MAP2K5: variants seen among roughly 807,000 people sequenced by gnomAD.
The protein encoded by MAP2K5 is mitogen-activated protein kinase kinase 5.
In MAP2K5, 49 loss-of-function variants were observed where a neutral mutation model predicts 83.1. That is an observed-to-expected ratio of 0.59 (90% CI 0.47 to 0.75). The LOEUF is 0.75. MAP2K5 is among the 30% of genes least tolerant of loss of function. The pLI, the probability that MAP2K5 is intolerant of heterozygous loss-of-function variation, is 0.00. For missense variants in MAP2K5, 457 were observed against 557.5 expected (o/e 0.82, Z 1.82); for synonymous variants, 202 against 191.8 (o/e 1.05, Z -0.44).
chr15:67,757,792 A>C lies in MAP2K5; in HGVS notation c.1134+9191A>C, dbSNP rs1282312250. ...CATAAATGGGTATTTACGATATGGT[A>C]TTTAATGATGTTTGTAGCCATATAA... On this transcript the variant is annotated intron_variant, in intron 19 of 21. Coordinates refer to ENST00000178640, the MANE Select transcript of MAP2K5 (RefSeq NM_145160.3). This position sits in a 1 kb window ranked among gnomAD's most constrained non-coding sequence, Gnocchi z 4.9. Among the ~76,000 whole-genome samples, 4 of 152,176 alleles carry C rather than the reference A, an allele frequency of 2.6e-5. No homozygotes were observed. Among genetic ancestry groups the C allele is most frequent in the Admixed American group, 1.3e-4 (2 of 15,280 alleles).
rs556023812 is a variant in MAP2K5 at position 67,762,635 on chromosome 15, T to C, written c.1135-6967T>C. Reference sequence around the variant, plus strand: ...TGACATTAATGACAAAGATCATTTCTATTCTCTTTTATCCCAATACTGAAG... The same window carrying C: ...TGACATTAATGACAAAGATCATTTCCATTCTCTTTTATCCCAATACTGAAG... On this transcript the variant is annotated intron_variant, in intron 19 of 21. Coordinates refer to ENST00000178640, the MANE Select transcript of MAP2K5 (RefSeq NM_145160.3). Among the ~76,000 whole-genome samples, 32 of 151,240 alleles carry C rather than the reference T, an allele frequency of 2.1e-4. No individual in the cohort carries two copies. The South Asian group carries it at 6.1e-3, about 29-fold the overall frequency.
At chr15:67,740,647 A>G (rs911318621) in intron 17 of MAP2K5, among the ~76,000 whole-genome samples, 3 of 152,168 alleles carry the variant, frequency 2.0e-5, no homozygotes, top group Non-Finnish European at 4.4e-5. Flanking sequence ...CAGTATATAA[A>G]AAAGATTTAT....
At position 67,668,989 on chromosome 15, in the gene MAP2K5, T is replaced by C. The variant is rs2141162118; in HGVS notation, c.847+4344T>C. Among the ~76,000 whole-genome samples the C allele has an allele frequency of 6.6e-6, 1 of 152,294 alleles. No individual in the cohort carries two copies. The highest frequency in any genetic ancestry group is 2.4e-5 in the African/African-American group (1 of 41,574). Reference sequence around the variant, plus strand: ...ATTTGTGTTTAAAGAAACTAAGCCTTGTAGTTTCAGTATACATGTTACAAA... The same window carrying C: ...ATTTGTGTTTAAAGAAACTAAGCCTCGTAGTTTCAGTATACATGTTACAAA... On this transcript the variant is annotated intron_variant, in intron 13 of 21. Coordinates refer to ENST00000178640, the MANE Select transcript of MAP2K5 (RefSeq NM_145160.3). This position sits in a 1 kb window ranked among gnomAD's most constrained non-coding sequence, Gnocchi z 4.0.
chr15:67,607,378 C>G (rs976862102), intron 8 of MAP2K5, among the ~76,000 whole-genome samples: 1 of 152,100 alleles, frequency 6.6e-6, no homozygotes, highest in African/African-American at 2.4e-5. Flanking sequence ...TTGTTTCATA[C>G]GATAATGTAT....
At position 67,665,575 on chromosome 15, in the gene MAP2K5, G is replaced by T. The variant is rs1295115218; in HGVS notation, c.847+930G>T. Among the ~76,000 whole-genome samples, 2 of 152,246 alleles carry T rather than the reference G, an allele frequency of 1.3e-5. No individual in the cohort carries two copies. Among genetic ancestry groups the T allele is most frequent in the Admixed American group, 1.3e-4 (2 of 15,296 alleles). On this transcript the variant is annotated intron_variant, in intron 13 of 21. Transcript: ENST00000178640. This position sits in a 1 kb window ranked among gnomAD's most constrained non-coding sequence, Gnocchi z 4.2. ...TGTGATGTCATATCTGTCACTAAGG[G>T]TTGTTTTCTTTTGTGGTGGTTTTAA... is the stretch of plus-strand genomic sequence containing the variant.
intron 13 of MAP2K5, among the ~76,000 whole-genome samples, chr15:67,678,553 C>T (rs1344508860): frequency 2.0e-5 from 3 of 152,096 alleles, no homozygotes; most frequent in Non-Finnish European, 4.4e-5. Context: ...TTGGAGATAC[C>T]AACAGCACCT....
At chr15:67,655,531 A>ACT in intron 11 of MAP2K5, among the ~76,000 whole-genome samples, 1 of 152,264 alleles carries the variant, frequency 6.6e-6, no homozygotes, top group East Asian at 1.9e-4. Flanking sequence ...TTCATGTTCA[A>ACT]ATGTCATTCC....
intron 9 of MAP2K5, among the ~76,000 whole-genome samples, chr15:67,631,420 G>A (rs577049766): frequency 2.6e-5 from 4 of 152,006 alleles, no homozygotes; most frequent in African/African-American, 9.7e-5. Context: ...TGTACTTTCG[G>A]TCTTTTCTTT....
intron 8 of MAP2K5, among the ~76,000 whole-genome samples, chr15:67,622,094 G>A (rs948713511): frequency 3.4e-5 from 5 of 147,084 alleles, no homozygotes; most frequent in Non-Finnish European, 7.4e-5. Context: ...GCAGTGAGCC[G>A]AGATCACGCC....
rs1324411195 is a variant in MAP2K5 at position 67,563,210 on chromosome 15, C to T, written c.185-73C>T. The T allele has an allele frequency of 5.2e-6, 8 of 1,525,088 alleles. No homozygotes were observed. The highest frequency in any genetic ancestry group is 2.0e-5 in the Admixed American group (1 of 49,244). The allele number at this position is 1,525,088 out of a possible 1,614,324, so 94.5% of individuals were successfully genotyped here. ...GTTAGAATATCACATTGTAATAAAC[C>T]GTTTATATTATGTTCCCTTTGTGCA... On this transcript the variant is annotated intron_variant, in intron 2 of 21. Coordinates refer to ENST00000178640, the MANE Select transcript of MAP2K5 (RefSeq NM_145160.3). This position sits in a 1 kb window ranked among gnomAD's most constrained non-coding sequence, Gnocchi z 4.5.
intron 16 of MAP2K5, among the ~76,000 whole-genome samples, chr15:67,712,998 G>A (rs2088731304): frequency 6.6e-6 from 1 of 151,434 alleles, no homozygotes; most frequent in African/African-American, 2.4e-5. Context: ...AAAAATAGAA[G>A]TTCCAGGAAG....
At chr15:67,639,288 C>T (rs535007610) in intron 9 of MAP2K5, among the ~76,000 whole-genome samples, 1 of 152,300 alleles carries the variant, frequency 6.6e-6, no homozygotes, top group Admixed American at 6.5e-5. Context: ...TGCTTGGCTT[C>T]TTTCTTGTCA....
At chr15:67,615,837 T>C (rs1032898186) in intron 8 of MAP2K5, among the ~76,000 whole-genome samples, 1 of 152,146 alleles carries the variant, frequency 6.6e-6, no homozygotes, top group Non-Finnish European at 1.5e-5. Flanking sequence ...GATTTTTGTT[T>C]GTGTCAGTAT....
At chr15:67,669,639 T>C (rs1200956335) in intron 13 of MAP2K5, among the ~76,000 whole-genome samples, 2 of 152,058 alleles carry the variant, frequency 1.3e-5, no homozygotes, top group African/African-American at 4.8e-5. Flanking sequence ...GGAGAAGTGG[T>C]GATTCTGGAT....
chr15:67,592,842 CA>C, intron 6 of MAP2K5, 83 bp from the exon 7 acceptor site: 1 of 926,338 alleles, frequency 1.1e-6, no homozygotes, highest in South Asian at 1.5e-5. Context: ...TATGTAAAAG[CA>C]AAGGTGTATT....
At chr15:67,680,646 G>A (rs1025247283) in intron 13 of MAP2K5, among the ~76,000 whole-genome samples, 4 of 152,182 alleles carry the variant, frequency 2.6e-5, no homozygotes, top group Non-Finnish European at 4.4e-5. Flanking sequence ...TCTGCTCACT[G>A]ATATTTTTCT....
At position 67,781,390 on chromosome 15, in the gene MAP2K5, G is replaced by A. The variant is rs1343897236; in HGVS notation, c.1242+8638G>A. Among the ~76,000 whole-genome samples, 4 of 152,128 alleles carry A rather than the reference G, an allele frequency of 2.6e-5. No homozygotes were observed. Among genetic ancestry groups the A allele is most frequent in the African/African-American group, 7.2e-5 (3 of 41,416 alleles). On this transcript the variant is annotated intron_variant, in intron 21 of 21. Coordinates refer to ENST00000178640, the MANE Select transcript of MAP2K5 (RefSeq NM_145160.3). The surrounding 1 kb of genome is among the most constrained non-coding windows in gnomAD (Gnocchi z 4.0). ...GTAGCAGTTTTGAGAGAGACCTTTG[G>A]GGATTGTGAGTCTTGTGGTTTCGGA...
Position 67,806,975 on chromosome 15 carries a change from C to T in MAP2K5, c.*225C>T. ...TCTGGTTTGAAGGCGCTGACACTGG[C>T]AGAGAGGTAAAGGGTGGGGCATTGA... On this transcript the variant is annotated 3_prime_UTR_variant, in exon 22 of 22. Transcript: ENST00000178640. 6.6e-7 allele frequency: 1 copy of T among 1,522,464 alleles called. No individual in the cohort carries two copies. The highest frequency in any genetic ancestry group is 8.8e-7 in the Non-Finnish European group (1 of 1,138,760). 94.3% of individuals were successfully genotyped at this position (1,522,464 alleles called of 1,614,324 possible).
chr15:67,620,906 G>A (rs1041194706), intron 8 of MAP2K5, among the ~76,000 whole-genome samples: 10 of 152,228 alleles, frequency 6.6e-5, no homozygotes, highest in African/African-American at 1.9e-4. Flanking sequence ...AAGAGAAGTC[G>A]ATAGGTGTAA....
Sources: gnomAD v4.1 joint callset for allele counts (sites outside exome capture counted in the v4.1 genomes callset) on GRCh38, gnomAD v4.1.1 for gene constraint, Gnocchi (gnomAD v3.1) non-coding constraint, MANE v1.5 for transcripts, NCBI Gene and HGNC (gene_info 2026-07-23, HGNC 2026-07-21) for gene names.